The following ANK3 variants were observed in gnomAD, a reference collection of about 807,000 sequenced individuals.
ANK3 encodes ankyrin-3.
A neutral mutation model predicts 370.9 loss-of-function variants in ANK3; 57 were observed. The ratio of observed to expected loss-of-function variants is 0.15; its 90% confidence interval spans 0.12 to 0.19. ANK3 has a LOEUF of 0.19. Among genes scored for constraint, ANK3 ranks in the 10% least tolerant of loss-of-function variants. The probability of loss-of-function intolerance (pLI) is 1.00; values close to 1 mark genes in which losing one functional copy is unlikely to be tolerated. For synonymous variants in ANK3, 1,929 were observed against 1,946.3 expected (o/e 0.99, Z 0.23); for missense variants, 4,439 against 5,302.1 (o/e 0.84, Z 5.06).
At chr10:60,037,239 T>C (rs2075213949) in intron 43 of ANK3, among the ~76,000 whole-genome samples, 1 of 152,180 alleles carries the variant, frequency 6.6e-6, no homozygotes, top group Admixed American at 6.5e-5. Context: ...CTCTAGATAG[T>C]CCGTGCTCTT....
At chr10:60,401,394 T>C (rs1263116009) in intron 2 of ANK3, among the ~76,000 whole-genome samples, 4 of 152,200 alleles carry the variant, frequency 2.6e-5, no homozygotes. Flanking sequence ...TAAGTGTTCT[T>C]AACCACAATA....
intron 25 of ANK3, among the ~76,000 whole-genome samples, chr10:60,129,549 C>G (rs1476472885): frequency 6.6e-6 from 1 of 152,050 alleles, no homozygotes; most frequent in Admixed American, 6.5e-5. Context: ...GTCAGGAGTT[C>G]GAGACAAGCC....
At chr10:60,421,685 T>C (rs748783343) in intron 2 of ANK3, among the ~76,000 whole-genome samples, 1 of 151,986 alleles carries the variant, frequency 6.6e-6, no homozygotes, top group Non-Finnish European at 1.5e-5. Flanking sequence ...ATCTCATAAG[T>C]AGACAGGCAC....
chr10:60,682,249 A>T (rs920190933), intron 1 of ANK3, among the ~76,000 whole-genome samples: 9 of 152,214 alleles, frequency 5.9e-5, no homozygotes, highest in Non-Finnish European at 1.5e-5. Context: ...ACACAACCAG[A>T]TTCTAGAAGC....
chr10:60,205,739 T>C, intron 11 of ANK3, 53 bp downstream of exon 11: 2 of 1,356,038 alleles, frequency 1.5e-6, no homozygotes, highest in East Asian at 2.3e-5. Context: ...CTCTGGCTGC[T>C]AAGGCTATAC....
rs1447381235 is a variant in ANK3, at chr10:60,072,485, A to C, written c.8396T>G (p.Ile2799Ser). ...ATCAGAGCCAGAATCATTTACAACA[A>C]TTTCGTTGCTTTGGGCATGCTCATC... Reference protein sequence around the residue: ...TKDEHAQSNEIVVNDSGSDNV... With the variant: ...TKDEHAQSNESVVNDSGSDNV... Residue 2799 changes from isoleucine to serine, a missense_variant, in exon 37 of 44, where the codon ATT becomes AGT. Physicochemically the swap from Ile to Ser is moderately radical, Grantham distance 142. Transcript: ENST00000280772. 1.2e-6 allele frequency: 2 copies of C among 1,614,046 alleles called. No homozygotes were observed. Among genetic ancestry groups the C allele is most frequent in the Non-Finnish European group, 1.7e-6 (2 of 1,180,012 alleles).
chr10:60,453,094 A>G (rs1440444880), intron 2 of ANK3, among the ~76,000 whole-genome samples: 4 of 152,358 alleles, frequency 2.6e-5, no homozygotes, highest in East Asian at 1.9e-4. Context: ...AGTGGAGTGG[A>G]AAGAACACAA....
intron 25 of ANK3, among the ~76,000 whole-genome samples, chr10:60,134,047 T>C (rs2094220979): frequency 6.6e-6 from 1 of 152,228 alleles, no homozygotes; most frequent in Non-Finnish European, 1.5e-5. Context: ...CTCCTAGGAC[T>C]TTCTGAGTTC....
intron 2 of ANK3, among the ~76,000 whole-genome samples, chr10:60,412,670 C>T (rs148129055): frequency 8.5e-5 from 13 of 152,204 alleles, no homozygotes; most frequent in Non-Finnish European, 1.5e-5. Flanking sequence ...TATTAGGAAG[C>T]TTTAGCCATA....
At position 60,072,827 on chromosome 10, in the gene ANK3, C is replaced by G; in HGVS notation, c.8054G>C (p.Ser2685Thr). The change falls in exon 37 of 44, where the codon AGC becomes ACC. Residue 2685 changes from serine (S) to threonine (T), a missense_variant. By Grantham distance (58) the Ser-to-Thr change is moderately conservative. This residue lies in a region of ANK3 where 1,601 missense variants were observed against 1,731.7 expected (regional missense o/e 0.92). Transcript: ENST00000280772. Reference sequence around the variant, plus strand: ...TCCTTTGGCTTCCACTGTGGACTTGCTGTCCTCAGTCTGTTGGGAGAGAAC... The same window carrying G: ...TCCTTTGGCTTCCACTGTGGACTTGGTGTCCTCAGTCTGTTGGGAGAGAAC... The part of the protein sequence containing the change: ...KMVLSQQTED[S>T]KSTVEAKGSI... 1 of 1,614,104 alleles carries G rather than the reference C, an allele frequency of 6.2e-7. No homozygotes were observed. The highest frequency in any genetic ancestry group is 2.2e-5 in the East Asian group (1 of 44,876).
intron 2 of ANK3, among the ~76,000 whole-genome samples, chr10:60,600,161 T>C (rs1359418109): frequency 6.6e-6 from 1 of 152,166 alleles, no homozygotes. Context: ...TTAGTCTTAG[T>C]TGTTCCAAGT....
At chr10:60,591,566 T>C (rs1343579479) in intron 2 of ANK3, among the ~76,000 whole-genome samples, 1 of 152,074 alleles carries the variant, frequency 6.6e-6, no homozygotes, top group African/African-American at 2.4e-5. Flanking sequence ...AGCAATCCCA[T>C]TGTTGGGTAT....
chr10:60,300,576 C>T (rs111773926), intron 1 of ANK3: 6 of 1,168,506 alleles, frequency 5.1e-6, no homozygotes, highest in African/African-American at 3.2e-5. Flanking sequence ...CAGCATAGTA[C>T]CTCCCAGAAT....
chr10:60,603,053 C>T (rs563210544), intron 2 of ANK3, among the ~76,000 whole-genome samples: 1 of 152,176 alleles, frequency 6.6e-6, no homozygotes, highest in Non-Finnish European at 1.5e-5. Context: ...CGTCTTGAAA[C>T]AAATGAAGGG....
chr10:60,244,453 A>G (rs2097523515), intron 7 of ANK3, among the ~76,000 whole-genome samples: 1 of 152,156 alleles, frequency 6.6e-6, no homozygotes, highest in Admixed American at 6.5e-5. Flanking sequence ...AAAATAATAA[A>G]AGTTGAGATG....
At chr10:60,557,419 C>T (rs1595273517) in intron 2 of ANK3, among the ~76,000 whole-genome samples, 1 of 152,026 alleles carries the variant, frequency 6.6e-6, no homozygotes, top group East Asian at 1.9e-4. Flanking sequence ...TCATATGGAA[C>T]ATCAAGAATG....
In ANK3 at chr10:60,437,383, C is replaced by T. The variant is rs1345557042; in HGVS notation, c.97-157744G>A. Among the ~76,000 whole-genome samples the T allele has an allele frequency of 3.3e-5, 5 of 152,148 alleles. No homozygotes were observed. The East Asian group carries it at 7.7e-4, about 23-fold the overall frequency. On this transcript the variant is annotated intron_variant, in intron 2 of 43. Coordinates refer to the ANK3 transcript ENST00000373827. ...AAGACACTTCAAAGAAGAAAAGATA[C>T]AAGAAAGACCTTTAGCATGTCCTTA... is the stretch of plus-strand genomic sequence containing the variant.
chr10:60,351,014 C>T (rs1205054444), intron 1 of ANK3, among the ~76,000 whole-genome samples: 1 of 142,576 alleles, frequency 7.0e-6, no homozygotes, highest in Admixed American at 7.3e-5. Context: ...CAATACCATT[C>T]AGGGGGCATA....
intron 2 of ANK3, among the ~76,000 whole-genome samples, chr10:60,433,699 C>G (rs2064088995): frequency 6.6e-6 from 1 of 152,144 alleles, no homozygotes. Flanking sequence ...GAGCAGGAAC[C>G]AGGAAGAAGG....
Sources: allele counts gnomAD v4.1 joint callset (sites outside exome capture counted in the v4.1 genomes callset), GRCh38; gene constraint gnomAD v4.1.1; regional missense constraint gnomAD v4.1.1; transcripts MANE v1.5; gene names NCBI Gene and HGNC (gene_info 2026-07-23, HGNC 2026-07-21).